Variants in CGN observed in about 807,000 individuals in gnomAD.
The protein encoded by CGN is cingulin.
Under a neutral mutation model 157.1 loss-of-function variants are expected in CGN, and 121 were observed. The ratio of observed to expected loss-of-function variants is 0.77; its 90% confidence interval spans 0.66 to 0.90. CGN has a LOEUF of 0.90. Ranked by LOEUF, CGN falls within the 40% of genes least tolerant of loss-of-function variation. The pLI is 0.00. For synonymous variants in CGN, 535 were observed against 607.5 expected (o/e 0.88, Z 1.76); for missense variants, 1,424 against 1,520.9 (o/e 0.94, Z 1.06).
chr1:151,517,445 T>A (rs183795840), intron 1 of CGN, among the ~76,000 whole-genome samples: 1 of 152,122 alleles, frequency 6.6e-6, no homozygotes, highest in Admixed American at 6.5e-5. Context: ...GATGGAGGTA[T>A]CTGCTCAGCA....
chr1:151,529,813 G>A (rs1664788202), intron 11 of CGN, 96 bp from the exon 12 acceptor site: 2 of 1,190,784 alleles, frequency 1.7e-6, no homozygotes, highest in African/African-American at 3.0e-5. Flanking sequence ...GCTGTCTTTG[G>A]GATGGCTTTC....
Position 151,529,910 on chromosome 1 carries a change from C to A in CGN, c.2108C>A (p.Ala703Asp), listed in dbSNP as rs1271725005. 4 of 1,613,408 alleles carry A rather than the reference C, an allele frequency of 2.5e-6. No individual in the cohort carries two copies. Among genetic ancestry groups the A allele is most frequent in the Admixed American group, 1.7e-5 (1 of 60,006 alleles). The stretch of plus-strand genomic sequence containing the variant: ...TGCCACCCCCTGAACCGTCCTTAGG[C>A]TAAGATGGTGGCCGAGGCAGAGGCA... Reference protein sequence around the residue: ...LRQDCEEASKAKMVAEAEATV... With the variant: ...LRQDCEEASKDKMVAEAEATV... Residue 703 changes from alanine (A) to aspartate (D), a missense_variant and splice_region_variant, in exon 12 of 21, where the codon GCT becomes GAT. By Grantham distance (126) the Ala-to-Asp change is moderately radical (BLOSUM62 -2). Transcript: ENST00000271636.
chr1:151,521,838 C>CAA (rs200381688), intron 5 of CGN, among the ~76,000 whole-genome samples: 1 of 148,866 alleles, frequency 6.7e-6, no homozygotes, highest in African/African-American at 2.5e-5. Context: ...AACTCTTTCT[C>CAA]AAAAAAAAAG....
intron 5 of CGN, among the ~76,000 whole-genome samples, chr1:151,523,020 A>C (rs1439265433): frequency 6.6e-6 from 1 of 152,118 alleles, no homozygotes; most frequent in African/African-American, 2.4e-5. Flanking sequence ...GGCCTTCCTC[A>C]CAGAGCTACT....
intron 10 of CGN, 104 bp from the exon 11 acceptor site, chr1:151,529,246 T>A: frequency 1.1e-6 from 1 of 927,636 alleles, no homozygotes; most frequent in East Asian, 2.5e-5. Flanking sequence ...AGTGGCCACA[T>A]CAGTTTTTAT....
chr1:151,511,941 G>T lies in CGN; in HGVS notation c.-15+426G>T, dbSNP rs1310304749. Among the ~76,000 whole-genome samples, 1 of 152,178 alleles carries T rather than the reference G, an allele frequency of 6.6e-6. No individual in the cohort carries two copies. Among genetic ancestry groups the T allele is most frequent in the Admixed American group, 6.5e-5 (1 of 15,286 alleles). On this transcript the variant is annotated intron_variant, in intron 1 of 20. Coordinates refer to ENST00000271636, the MANE Select transcript of CGN (RefSeq NM_020770.3). The surrounding 1 kb of genome is among the most constrained non-coding windows in gnomAD (Gnocchi z 4.8). ...GGGAGGGCATCTGCAGGTGCTGCTC[G>T]CCTGAGGGTCTTTCCTGCGTCCTGC... is the stretch of plus-strand genomic sequence containing the variant.
intron 1 of CGN, among the ~76,000 whole-genome samples, chr1:151,512,876 C>T (rs1489651537): frequency 6.6e-6 from 1 of 152,236 alleles, no homozygotes; most frequent in African/African-American, 2.4e-5. Flanking sequence ...CTGTGTTTCC[C>T]AGGCTGGCCT....
chr1:151,523,270 A>G (rs1348961212), intron 5 of CGN, among the ~76,000 whole-genome samples, 164 bp from the exon 6 acceptor site: 1 of 152,248 alleles, frequency 6.6e-6, no homozygotes, highest in African/African-American at 2.4e-5. Flanking sequence ...ACAAGTACCA[A>G]GGCTAGTTAT....
At chr1:151,526,029 C>T (rs972755265) in intron 9 of CGN, among the ~76,000 whole-genome samples, 2 of 147,532 alleles carry the variant, frequency 1.4e-5, no homozygotes, top group Admixed American at 6.7e-5. Flanking sequence ...CATGCCACTA[C>T]GCCCAGCTAA....
In CGN at chr1:151,524,881, A is replaced by G. The variant is rs532360604; in HGVS notation, c.1609A>G (p.Thr537Ala). Residue 537 changes from threonine to alanine, a missense_variant, in exon 8 of 21, where the codon ACC (threonine) becomes GCC (alanine). This residue lies in a region of CGN where 1,187 missense variants were observed against 1,217.6 expected (regional missense o/e 0.97). Transcript: ENST00000271636. The surrounding 1 kb of genome is among the most constrained non-coding windows in gnomAD (Gnocchi z 4.4). The part of the protein sequence containing the change: ...EQLRRSMQDA[T>A]QDHAVLEAER... ...GCTCCGCAGGAGCATGCAAGATGCA[A>G]CCCAGGCATGTGACAAGAGCAGGGT... is the stretch of plus-strand genomic sequence containing the variant. The G allele has an allele frequency of 1.9e-6, 3 of 1,610,758 alleles. No homozygotes were observed. The highest frequency in any genetic ancestry group is 2.2e-5 in the South Asian group (2 of 90,868).
In CGN at chr1:151,519,034, C is replaced by A; in HGVS notation, c.515C>A (p.Thr172Asn). The change falls in exon 2 of 21, where the codon ACT becomes AAT. Residue 172 changes from threonine (T) to asparagine (N), a missense_variant. By Grantham distance (65) the Thr-to-Asn change is moderately conservative. Transcript: ENST00000271636. ...KVASPGSTID[T>N]APLSSVDSLI... ...GCTTCCCCAGGTAGCACCATTGACA[C>A]TGCTCCCCTGTCTTCAGTGGACTCA... The A allele has an allele frequency of 6.2e-7, 1 of 1,614,234 alleles. No individual in the cohort carries two copies. Among genetic ancestry groups the A allele is most frequent in the Non-Finnish European group, 8.5e-7 (1 of 1,180,048 alleles).
At chr1:151,528,154 G>A (rs1411061912) in intron 10 of CGN, among the ~76,000 whole-genome samples, 1 of 150,070 alleles carries the variant, frequency 6.7e-6, no homozygotes, top group Non-Finnish European at 1.5e-5. Flanking sequence ...AAAAATACAC[G>A]TACTCAGTGT....
chr1:151,510,911 C>T (rs1443733432), upstream of CGN: 2 of 152,186 alleles, frequency 1.3e-5, no homozygotes, highest in African/African-American at 4.8e-5. Flanking sequence ...AAAAGGGAGA[C>T]GAGCTGAGGT....
intron 15 of CGN, 152 bp from the exon 16 acceptor site, chr1:151,534,890 T>G (rs540321467): frequency 3.8e-5 from 24 of 625,150 alleles, no homozygotes; most frequent in Non-Finnish European, 6.3e-5. Flanking sequence ...GCTGGCTCCA[T>G]AGTGGCTCTG....
At chr1:151,523,382 C>G (rs1664585817) in intron 5 of CGN, 52 bp from the exon 6 acceptor site, 1 of 1,539,790 alleles carries the variant, frequency 6.5e-7, no homozygotes, top group Non-Finnish European at 8.8e-7. Context: ...CTGAGTCTTT[C>G]TGAGAGGCTT....
chr1:151,536,298 A>C lies in CGN; in HGVS notation c.3259A>C (p.Ile1087Leu). Residue 1087 changes from isoleucine to leucine, a missense_variant, in exon 19 of 21, where the codon ATC becomes CTC. Ile to Leu is a conservative substitution (Grantham distance 5). Around this residue, in one of 3 missense-constraint regions of CGN, gnomAD observed 199 missense variants for 272.2 expected, o/e 0.73. Coordinates refer to ENST00000271636, the MANE Select transcript of CGN (RefSeq NM_020770.3). Reference sequence around the variant, plus strand: ...GGAGCGGAAAGTTAAAGAACTATCCATCCAGATTGAAGACGAGCGGCAGCA... The same window carrying C: ...GGAGCGGAAAGTTAAAGAACTATCCCTCCAGATTGAAGACGAGCGGCAGCA... ...KLERKVKELS[I>L]QIEDERQHVN... 2 of 1,613,228 alleles carry C rather than the reference A, an allele frequency of 1.2e-6. No homozygotes were observed. The highest frequency in any genetic ancestry group is 1.7e-6 in the Non-Finnish European group (2 of 1,179,168).
At chr1:151,512,706 A>G (rs1362499211) in intron 1 of CGN, among the ~76,000 whole-genome samples, 2 of 152,234 alleles carry the variant, frequency 1.3e-5, no homozygotes, top group Non-Finnish European at 2.9e-5. Flanking sequence ...TAATTGGGAA[A>G]TAATTAGCAA....
Position 151,519,313 on chromosome 1 carries a change from GT to G in CGN, c.796del (p.Ser266LeufsTer49). ...CTGAGTCCTCTCAGTGGCTTTAGCC[GT>G]TCTCGTCAGACTCAGGACTGGGTCC... is the stretch of plus-strand genomic sequence containing the variant. ...QNLSPLSGFS[R>X]SRQTQDWVLQ... On this transcript the variant is annotated frameshift_variant, in exon 2 of 21. Transcript: ENST00000271636. LOFTEE classifies it high-confidence loss of function. 3 of 1,612,344 alleles carry G rather than the reference GT, an allele frequency of 1.9e-6. No individual in the cohort carries two copies. The highest frequency in any genetic ancestry group is 2.5e-6 in the Non-Finnish European group (3 of 1,179,976).
At chr1:151,526,461 C>A (rs1001309705) in intron 9 of CGN, among the ~76,000 whole-genome samples, 1 of 151,534 alleles carries the variant, frequency 6.6e-6, no homozygotes, top group African/African-American at 2.4e-5. Flanking sequence ...AGGCGTGAGC[C>A]ACTGCACCCA....
Sources: allele counts gnomAD v4.1 joint callset (sites outside exome capture counted in the v4.1 genomes callset), GRCh38; gene constraint gnomAD v4.1.1; regional missense constraint gnomAD v4.1.1; non-coding constraint Gnocchi (gnomAD v3.1); transcripts MANE v1.5; gene names NCBI Gene and HGNC (gene_info 2026-07-23, HGNC 2026-07-21).